Variants in IL1RAPL1 observed in about 807,000 individuals in gnomAD.
IL1RAPL1 encodes interleukin 1 receptor accessory protein like 1, also known as interleukin-1 receptor accessory protein-like 1.
IL1RAPL1 carries 3 observed loss-of-function variants against 48.4 expected under a neutral mutation model. The observed-to-expected ratio is 0.06, with a 90% CI of 0.03 to 0.16. The LOEUF is 0.16. IL1RAPL1 is among the 10% of genes least tolerant of loss of function. The probability of loss-of-function intolerance (pLI) is 1.00; values close to 1 mark genes in which losing one functional copy is unlikely to be tolerated. For missense variants in IL1RAPL1, 349 were observed against 530.6 expected (o/e 0.66, Z 3.36); for synonymous variants, 185 against 187.7 (o/e 0.99, Z 0.12).
intron 1 of IL1RAPL1, among the ~76,000 whole-genome samples, chrX:28,631,666 G>T (rs1360347662): frequency 8.9e-6 from 1 of 112,108 alleles, no homozygotes; most frequent in African/African-American, 3.2e-5. Flanking sequence ...CTAGGTAAAC[G>T]TCAAATCCCC....
intron 3 of IL1RAPL1, among the ~76,000 whole-genome samples, chrX:29,363,799 A>G (rs1274403095): frequency 1.8e-5 from 2 of 111,546 alleles, no homozygotes; most frequent in Non-Finnish European, 3.8e-5. Flanking sequence ...TCACTAGAAC[A>G]GCACCAAGGG....
intron 6 of IL1RAPL1, among the ~76,000 whole-genome samples, chrX:29,746,855 G>A (rs189284160): frequency 7.1e-5 from 8 of 112,303 alleles, no homozygotes; most frequent in East Asian, 5.6e-4. Context: ...TGATCCACCC[G>A]TCTTGGCCTT....
Position 29,044,744 on chromosome X carries a change from A to T in IL1RAPL1, c.83-238194A>T, listed in dbSNP as rs184385260. Among the ~76,000 whole-genome samples the T allele has an allele frequency of 4.7e-3, 528 of 111,635 alleles. 5 individuals carry two copies. Among genetic ancestry groups the T allele is most frequent in the African/African-American group, 0.014 (436 of 30,717 alleles). On this transcript the variant is annotated intron_variant, in intron 2 of 10. Transcript: ENST00000378993. ...GTTATCCACATGTAATAGATTTTTT[A>T]AAAATGGGGCAATGAAAACAAAATA...
chrX:29,617,263 C>T (rs1181517140), intron 5 of IL1RAPL1, among the ~76,000 whole-genome samples: 1 of 112,352 alleles, frequency 8.9e-6, no homozygotes, highest in African/African-American at 3.2e-5. Context: ...AAGGTTTATT[C>T]AGAGTTTCCT....
At chrX:29,173,849 G>A (rs761016548) in intron 2 of IL1RAPL1, among the ~76,000 whole-genome samples, 4 of 111,445 alleles carry the variant, frequency 3.6e-5, no homozygotes, top group South Asian at 7.5e-4. Flanking sequence ...AATATAAGCC[G>A]CATAATGCTT....
intron 6 of IL1RAPL1, among the ~76,000 whole-genome samples, chrX:29,798,764 T>C (rs1032018959): frequency 8.9e-6 from 1 of 112,488 alleles, no homozygotes; most frequent in African/African-American, 3.2e-5. Flanking sequence ...GGATGCTGGA[T>C]CGCATCTTCC....
chrX:29,501,754 C>T (rs186184698), intron 5 of IL1RAPL1, among the ~76,000 whole-genome samples: 291 of 106,510 alleles, frequency 2.7e-3, no homozygotes, highest in Non-Finnish European at 3.8e-3. Flanking sequence ...GTGATGCGTA[C>T]ACCTTTGTTC....
At chrX:29,714,844 C>G (rs1348348302) in intron 6 of IL1RAPL1, among the ~76,000 whole-genome samples, 1 of 111,671 alleles carries the variant, frequency 9.0e-6, no homozygotes, top group Non-Finnish European at 1.9e-5. Flanking sequence ...GACTTTCCCT[C>G]ATACTCAACA....
At chrX:29,873,265 G>T (rs1931834648) in intron 6 of IL1RAPL1, among the ~76,000 whole-genome samples, 1 of 111,370 alleles carries the variant, frequency 9.0e-6, no homozygotes. Context: ...TTCAGCATCT[G>T]TGGTTGCCAG....
intron 6 of IL1RAPL1, among the ~76,000 whole-genome samples, chrX:29,908,642 A>G (rs1043417679): frequency 1.8e-5 from 2 of 111,717 alleles, no homozygotes; most frequent in Non-Finnish European, 3.8e-5. Flanking sequence ...AACTCAAACT[A>G]TAGAGAATTT....
chrX:29,143,438 T>G, intron 2 of IL1RAPL1, among the ~76,000 whole-genome samples: 1 of 112,051 alleles, frequency 8.9e-6, no homozygotes, highest in Middle Eastern at 4.6e-3. Context: ...CAGTTACCTG[T>G]GGTCAGCCAC....
At chrX:29,286,054 G>C (rs1320042688) in intron 3 of IL1RAPL1, among the ~76,000 whole-genome samples, 1 of 111,678 alleles carries the variant, frequency 9.0e-6, no homozygotes, top group African/African-American at 3.3e-5. Context: ...GTATTAACTT[G>C]TCAATGAAAT....
At chrX:28,958,071 C>T (rs1924664287) in intron 2 of IL1RAPL1, among the ~76,000 whole-genome samples, 1 of 111,080 alleles carries the variant, frequency 9.0e-6, no homozygotes, top group Non-Finnish European at 1.9e-5. Context: ...TTTGAATGGC[C>T]AATGGAGCCA....
At chrX:29,661,933 C>A (rs1925858441) in intron 5 of IL1RAPL1, among the ~76,000 whole-genome samples, 1 of 111,554 alleles carries the variant, frequency 9.0e-6, no homozygotes, top group Admixed American at 9.6e-5. Context: ...TTCCTCCCTG[C>A]CTTCCTGCCT....
intron 5 of IL1RAPL1, among the ~76,000 whole-genome samples, chrX:29,517,298 G>A (rs944238181): frequency 2.7e-5 from 3 of 109,612 alleles, no homozygotes; most frequent in Non-Finnish European, 5.7e-5. Flanking sequence ...TCTATTTATA[G>A]ACATATATCC....
intron 6 of IL1RAPL1, among the ~76,000 whole-genome samples, chrX:29,668,740 T>C (rs944541180): frequency 9.9e-5 from 11 of 111,441 alleles, no homozygotes; most frequent in African/African-American, 3.6e-4. Flanking sequence ...TATTGGAAAA[T>C]GAGATAGGCT....
At chrX:28,935,990 A>G (rs1924006645) in intron 2 of IL1RAPL1, among the ~76,000 whole-genome samples, 2 of 111,589 alleles carry the variant, frequency 1.8e-5, no homozygotes, top group Non-Finnish European at 3.8e-5. Context: ...TTTCACACAT[A>G]TTGGCAGAGT....
At chrX:29,285,954 T>G (rs139932590) in intron 3 of IL1RAPL1, among the ~76,000 whole-genome samples, 2,610 of 111,842 alleles carry the variant, frequency 0.023, 36 homozygotes, top group Non-Finnish European at 0.034. Context: ...TCACCATTAG[T>G]TTTTAAATAA....
At chrX:28,968,799 A>C (rs1924984622) in intron 2 of IL1RAPL1, among the ~76,000 whole-genome samples, 1 of 113,036 alleles carries the variant, frequency 8.8e-6, no homozygotes, top group Admixed American at 9.3e-5. Context: ...GCACATACAC[A>C]TATAGAGATG....
Sources: gnomAD v4.1 joint callset for allele counts (sites outside exome capture counted in the v4.1 genomes callset) on GRCh38, gnomAD v4.1.1 for gene constraint, MANE v1.5 for transcripts, NCBI Gene and HGNC (gene_info 2026-07-23, HGNC 2026-07-21) for gene names.